The following CNTNAP4 variants were observed in gnomAD, a reference collection of about 807,000 sequenced individuals.
The protein encoded by CNTNAP4 is contactin-associated protein-like 4.
Under a neutral mutation model 148.4 loss-of-function variants are expected in CNTNAP4, and 98 were observed. The ratio of observed to expected loss-of-function variants is 0.66; its 90% CI spans 0.56 to 0.78. CNTNAP4 has a LOEUF of 0.78. CNTNAP4 is among the 30% of genes least tolerant of loss of function. The probability of loss-of-function intolerance (pLI) is 0.00; values close to 1 mark genes in which losing one functional copy is unlikely to be tolerated. For synonymous variants in CNTNAP4, 730 were observed against 565.1 expected (o/e 1.29, Z -4.14); for missense variants, 1,935 against 1,565.6 (o/e 1.24, Z -3.98).
At chr16:76,314,805 C>G (rs528031534) in intron 1 of CNTNAP4, among the ~76,000 whole-genome samples, 1 of 152,204 alleles carries the variant, frequency 6.6e-6, no homozygotes, top group African/African-American at 2.4e-5. Flanking sequence ...CCACCTATCC[C>G]CAAATTAGAG....
intron 3 of CNTNAP4, among the ~76,000 whole-genome samples, chr16:76,412,181 A>G (rs1227966711): frequency 3.3e-5 from 5 of 151,492 alleles, no homozygotes; most frequent in African/African-American, 1.2e-4. Flanking sequence ...GAAAATAAGT[A>G]AAAGTATAAA....
In CNTNAP4 at chr16:76,535,629, G is replaced by A; in HGVS notation, c.2840G>A (p.Arg947Lys). ...LNGMTLDLEERAQVTPEVQPG... is the reference protein window; with the variant it reads ...LNGMTLDLEEKAQVTPEVQPG... ...GGGATGACCCTGGATTTGGAAGAAA[G>A]AGCCCAGGTGACTCCAGAAGTGCAG... The change falls in exon 18 of 24, where the codon AGA (arginine) becomes AAA (lysine). Residue 947 changes from arginine (R) to lysine (K), a missense_variant. By Grantham distance (26) the Arg-to-Lys change is conservative. Transcript: ENST00000611870. The A allele has an allele frequency of 6.2e-7, 1 of 1,613,946 alleles. No individual in the cohort carries two copies. The highest frequency in any genetic ancestry group is 8.5e-7 in the Non-Finnish European group (1 of 1,180,038).
chr16:76,539,962 C>T, intron 20 of CNTNAP4, 110 bp downstream of exon 20: 1 of 756,464 alleles, frequency 1.3e-6, no homozygotes, highest in Non-Finnish European at 2.1e-6. Context: ...TTTCATTGGT[C>T]TTCTTCTGCA....
rs553966485 is a variant in CNTNAP4 at position 76,527,313 on chromosome 16, T to A, written c.2755+5056T>A. On this transcript the variant is annotated intron_variant, in intron 17 of 23. Coordinates refer to ENST00000611870, the MANE Select transcript of CNTNAP4 (RefSeq NM_033401.5). ...TACCCTGAAATATGTTAGGGTTAAGTCTTGCTCTATTCTCAGAGCTGGTGA... is the reference window on the plus strand; with the variant it reads ...TACCCTGAAATATGTTAGGGTTAAGACTTGCTCTATTCTCAGAGCTGGTGA... Among the ~76,000 whole-genome samples, 24 of 152,276 alleles carry A rather than the reference T, an allele frequency of 1.6e-4. No individual in the cohort carries two copies. The South Asian group carries it at 4.8e-3, about 30-fold the overall frequency.
At chr16:76,467,236 C>A (rs1375770980) in intron 9 of CNTNAP4, 116 bp from the exon 10 acceptor site, 1 of 862,006 alleles carries the variant, frequency 1.2e-6, no homozygotes, top group Non-Finnish European at 1.8e-6. Context: ...ATTATTCCCT[C>A]CTTTAATACA....
chr16:76,394,841 A>C (rs1336330236), intron 3 of CNTNAP4, among the ~76,000 whole-genome samples: 2 of 152,092 alleles, frequency 1.3e-5, no homozygotes, highest in Non-Finnish European at 2.9e-5. Context: ...TCCTTTCTTG[A>C]AAAGTGCTCA....
chr16:76,535,847 G>C, intron 18 of CNTNAP4, 63 bp downstream of exon 18: 1 of 1,522,464 alleles, frequency 6.6e-7, no homozygotes, highest in African/African-American at 1.4e-5. Context: ...ATGTCTGGCA[G>C]TTCTTTTCTA....
intron 4 of CNTNAP4, among the ~76,000 whole-genome samples, chr16:76,446,738 TAAGAC>T (rs543074091): frequency 1.3e-4 from 20 of 152,066 alleles, no homozygotes; most frequent in African/African-American, 3.9e-4. Flanking sequence ...AGACGGAAAA[TAAGAC>T]AAAACACAAA....
At chr16:76,519,021 A>T (rs2083358897) in intron 15 of CNTNAP4, among the ~76,000 whole-genome samples, 1 of 152,080 alleles carries the variant, frequency 6.6e-6, no homozygotes, top group African/African-American at 2.4e-5. Flanking sequence ...CCTTTCTCTG[A>T]GGTGGCCCAG....
chr16:76,481,275 G>A (rs1168471217), intron 12 of CNTNAP4, among the ~76,000 whole-genome samples: 1 of 152,086 alleles, frequency 6.6e-6, no homozygotes, highest in African/African-American at 2.4e-5. Context: ...GTCCAACATG[G>A]TAGCCACTAG....
At chr16:76,345,247 C>T (rs1232876268) in intron 2 of CNTNAP4, among the ~76,000 whole-genome samples, 1 of 152,164 alleles carries the variant, frequency 6.6e-6, no homozygotes, top group Non-Finnish European at 1.5e-5. Context: ...GGCTAGCTCC[C>T]AGCCAGACCC....
At chr16:76,316,146 G>T (rs1961713557) in intron 1 of CNTNAP4, 2 of 531,418 alleles carry the variant, frequency 3.8e-6, no homozygotes, top group South Asian at 3.1e-5. Context: ...TTATAATGAG[G>T]TATAATCTTT....
chr16:76,291,507 C>T (rs900791170), intron 1 of CNTNAP4, among the ~76,000 whole-genome samples: 6 of 152,150 alleles, frequency 3.9e-5, no homozygotes, highest in African/African-American at 1.2e-4. Flanking sequence ...ATTATTTTAT[C>T]CCCTTCCAAA....
chr16:76,432,944 C>T (rs899327715), intron 4 of CNTNAP4, among the ~76,000 whole-genome samples: 12 of 152,162 alleles, frequency 7.9e-5, no homozygotes, highest in Non-Finnish European at 1.8e-4. Context: ...GCAATCACCA[C>T]GTACCCACCA....
intron 3 of CNTNAP4, among the ~76,000 whole-genome samples, chr16:76,417,992 T>G (rs535883534): frequency 6.6e-6 from 1 of 151,852 alleles, no homozygotes; most frequent in African/African-American, 2.4e-5. Context: ...CTATCAGTAA[T>G]ATAGCTACCT....
chr16:76,444,459 G>T (rs1037414860), intron 4 of CNTNAP4, among the ~76,000 whole-genome samples: 3 of 151,824 alleles, frequency 2.0e-5, no homozygotes, highest in Non-Finnish European at 4.4e-5. Flanking sequence ...CTTAACAGTG[G>T]TAAGATCACT....
intron 3 of CNTNAP4, among the ~76,000 whole-genome samples, chr16:76,400,007 T>C (rs981231): frequency 0.46 from 69,992 of 150,650 alleles, 16,419 homozygotes; most frequent in African/African-American, 0.55. Context: ...ATACAAACTA[T>C]TTTAATCAAA....
At chr16:76,341,764 G>C (rs1346111006) in intron 2 of CNTNAP4, among the ~76,000 whole-genome samples, 1 of 152,168 alleles carries the variant, frequency 6.6e-6, no homozygotes, top group Non-Finnish European at 1.5e-5. Flanking sequence ...GTAGCCACAA[G>C]CATGAGATGT....
intron 2 of CNTNAP4, among the ~76,000 whole-genome samples, chr16:76,342,308 A>G (rs1383092718): frequency 6.6e-6 from 1 of 152,164 alleles, no homozygotes; most frequent in African/African-American, 2.4e-5. Context: ...ACAAAGGGCA[A>G]TTATATAACA....
Sources: gnomAD v4.1 joint callset for allele counts (sites outside exome capture counted in the v4.1 genomes callset) on GRCh38, gnomAD v4.1.1 for gene constraint, MANE v1.5 for transcripts, NCBI Gene and HGNC (gene_info 2026-07-23, HGNC 2026-07-21) for gene names.